The following RGS3 variants were observed in gnomAD, a reference collection of about 807,000 sequenced individuals.
RGS3 encodes the protein regulator of G-protein signalling 3.
A neutral mutation model predicts 132.6 loss-of-function variants in RGS3; 80 were observed. The observed-to-expected ratio is 0.60, with a 90% CI of 0.50 to 0.73. The LOEUF is 0.73. Among genes scored for constraint, RGS3 ranks in the 30% least tolerant of loss-of-function variants. The probability of loss-of-function intolerance (pLI) is 0.00; values close to 1 mark genes in which losing one functional copy is unlikely to be tolerated. For synonymous variants in RGS3, 598 were observed against 620.6 expected (o/e 0.96, Z 0.54); for missense variants, 1,382 against 1,530.8 (o/e 0.90, Z 1.62).
intron 19 of RGS3, among the ~76,000 whole-genome samples, chr9:113,575,383 C>T (rs145195748): frequency 4.7e-4 from 71 of 152,196 alleles, no homozygotes; most frequent in Non-Finnish European, 9.1e-4. Flanking sequence ...TGTGGTGTGC[C>T]GCCCTCCTGA....
chr9:113,573,445 G>A (rs941537374), intron 19 of RGS3, among the ~76,000 whole-genome samples: 6 of 152,180 alleles, frequency 3.9e-5, no homozygotes, highest in Admixed American at 1.3e-4. Context: ...CGTAGCAGCC[G>A]TGAGGAAGCG....
chr9:113,457,924 A>G (rs981179994), upstream of RGS3, among the ~76,000 whole-genome samples: 2 of 152,242 alleles, frequency 1.3e-5, no homozygotes, highest in African/African-American at 2.4e-5. Flanking sequence ...TGTCAGTGCT[A>G]GGTAGGAAGC....
In RGS3 at chr9:113,525,078, C is replaced by G. The variant is rs144478348; in HGVS notation, c.1870+2037C>G. Reference sequence around the variant, plus strand: ...TGAGGATGGCCAAGGCAGTACTTCTCAGGAGAGACCACCATGGACGGAAGA... The same window carrying G: ...TGAGGATGGCCAAGGCAGTACTTCTGAGGAGAGACCACCATGGACGGAAGA... On this transcript the variant is annotated intron_variant, in intron 17 of 24. Coordinates refer to ENST00000350696, the Ensembl canonical transcript of RGS3. Among the ~76,000 whole-genome samples the G allele has an allele frequency of 7.1e-3, 1,083 of 152,266 alleles. 18 individuals carry two copies. The highest frequency in any genetic ancestry group is 0.031 in the Middle Eastern group (9 of 294).
At chr9:113,459,533 T>G (rs556184195), upstream of RGS3, among the ~76,000 whole-genome samples, 92 of 152,292 alleles carry the variant, frequency 6.0e-4, no homozygotes, top group Middle Eastern at 6.8e-3. Flanking sequence ...ACGGTTCACT[T>G]GAGGTCAGGA....
chr9:113,492,358 A>G (rs1192196680), intron 7 of RGS3, among the ~76,000 whole-genome samples: 1 of 152,146 alleles, frequency 6.6e-6, no homozygotes, highest in African/African-American at 2.4e-5. Flanking sequence ...TGAGCCCTAA[A>G]CTACCTCTTG....
chr9:113,519,129 C>T (rs1226816558), intron 16 of RGS3, among the ~76,000 whole-genome samples: 1 of 152,116 alleles, frequency 6.6e-6, no homozygotes, highest in Non-Finnish European at 1.5e-5. Flanking sequence ...ACGATTGTCC[C>T]CACTCTGTAG....
intron 3 of RGS3, among the ~76,000 whole-genome samples, chr9:113,474,838 G>A (rs1829941698): frequency 6.6e-6 from 1 of 152,190 alleles, no homozygotes; most frequent in Non-Finnish European, 1.5e-5. Flanking sequence ...GGTGGCATGG[G>A]CTCCCACTGG....
intron 18 of RGS3, 131 bp from the exon 17 acceptor site, chr9:113,536,665 G>C (rs1025967782): frequency 4.7e-6 from 7 of 1,499,520 alleles, no homozygotes; most frequent in Non-Finnish European, 6.2e-6. Context: ...GTGCATTTGC[G>C]GCTTTTGGCG....
intron 18 of RGS3, among the ~76,000 whole-genome samples, chr9:113,531,418 G>A (rs1005276376): frequency 6.6e-6 from 1 of 152,076 alleles, no homozygotes; most frequent in Admixed American, 6.5e-5. Flanking sequence ...CTCTGAAATG[G>A]GGCTGGTTCT....
At chr9:113,502,178 G>A (rs918543823) in intron 10 of RGS3, among the ~76,000 whole-genome samples, 1 of 152,096 alleles carries the variant, frequency 6.6e-6, no homozygotes, top group Non-Finnish European at 1.5e-5. Context: ...CTTAGCCTCC[G>A]GTCTTAGAAA....
intron 19 of RGS3, among the ~76,000 whole-genome samples, chr9:113,558,974 A>T (rs1833677732): frequency 6.6e-6 from 1 of 152,202 alleles, no homozygotes; most frequent in African/African-American, 2.4e-5. Flanking sequence ...AGGGAAACTG[A>T]GGCTTGGAGG....
chr9:113,460,545 T>A (rs1564444573), intron 1 of RGS3, among the ~76,000 whole-genome samples: 3 of 152,132 alleles, frequency 2.0e-5, no homozygotes, highest in Admixed American at 6.5e-5. Context: ...TTTTTTTTTC[T>A]TCTGAATTAG....
At position 113,579,059 on chromosome 9, in the gene RGS3, A is replaced by T. The variant is rs1416906956; in HGVS notation, c.2038-4391A>T. 1.3e-5 allele frequency among the ~76,000 whole-genome samples: 2 copies of T among 150,718 alleles called. No homozygotes were observed. Among genetic ancestry groups the T allele is most frequent in the Non-Finnish European group, 3.0e-5 (2 of 67,762 alleles). ...GCTGTTAAGGGCCACCCTGAGACAG[A>T]GGCAAACCCCAGTTTACACCCCCCC... On this transcript the variant is annotated intron_variant, in intron 19 of 24. Coordinates refer to ENST00000350696, the Ensembl canonical transcript of RGS3. The surrounding 1 kb of genome is among the most constrained non-coding windows in gnomAD (Gnocchi z 4.3).
intron 4 of RGS3, among the ~76,000 whole-genome samples, chr9:113,481,884 G>A (rs965528663): frequency 1.6e-4 from 24 of 151,938 alleles, no homozygotes; most frequent in African/African-American, 5.1e-4. Context: ...TTCTCTCCAC[G>A]AAAAATACAA....
intron 7 of RGS3, among the ~76,000 whole-genome samples, chr9:113,494,078 C>T (rs1413439123): frequency 6.6e-6 from 1 of 151,918 alleles, no homozygotes; most frequent in African/African-American, 2.4e-5. Context: ...ATTAAACCAA[C>T]CTATGAATTA....
intron 17 of RGS3, among the ~76,000 whole-genome samples, chr9:113,528,477 G>A (rs1832317876): frequency 6.6e-6 from 1 of 152,206 alleles, no homozygotes. Flanking sequence ...CCTTCAGGAA[G>A]CTTTTCCCAG....
chr9:113,507,171 C>A lies in RGS3; in HGVS notation c.1086-116C>A. On this transcript the variant is annotated intron_variant, in intron 12 of 24. Coordinates refer to ENST00000350696, the Ensembl canonical transcript of RGS3. The surrounding 1 kb of genome is among the most constrained non-coding windows in gnomAD (Gnocchi z 5.0). The stretch of plus-strand genomic sequence containing the variant: ...TTCCTGCCCTGACACTGGGGGCTTC[C>A]CCTCTGGTGTCTGCCTCCTCTTCCC... 1 of 801,330 alleles carries A rather than the reference C, an allele frequency of 1.2e-6. No homozygotes were observed. Among genetic ancestry groups the A allele is most frequent in the Non-Finnish European group, 2.0e-6 (1 of 509,400 alleles). 49.6% of individuals were successfully genotyped at this position (801,330 alleles called of 1,614,324 possible). A position where few individuals can be genotyped will look rare whatever the true frequency, so the allele number is the denominator to read the frequency against.
chr9:113,576,407 C>G (rs981379559), intron 19 of RGS3, among the ~76,000 whole-genome samples: 5 of 150,376 alleles, frequency 3.3e-5, no homozygotes, highest in Admixed American at 6.6e-5. Context: ...TCTTGGCTCA[C>G]TGCAACCTCC....
At chr9:113,596,258 C>T (rs113800797) in intron 24 of RGS3, among the ~76,000 whole-genome samples, 9,088 of 152,230 alleles carry the variant, frequency 0.06, 379 homozygotes, top group Non-Finnish European at 0.077. Context: ...CGCTTGAACC[C>T]GGGAGGCGGA....
Sources: gnomAD v4.1 joint callset for allele counts (sites outside exome capture counted in the v4.1 genomes callset) on GRCh38, gnomAD v4.1.1 for gene constraint, Gnocchi (gnomAD v3.1) non-coding constraint, MANE v1.5 for transcripts, NCBI Gene and HGNC (gene_info 2026-07-23, HGNC 2026-07-21) for gene names.